Variants in EPHA7 observed in about 807,000 individuals in gnomAD.
EPHA7 encodes EPH receptor A7, also known as ephrin type-A receptor 7.
EPHA7 carries 25 observed loss-of-function variants against 112.6 expected under a neutral mutation model. The ratio of observed to expected loss-of-function variants is 0.22; its 90% CI spans 0.16 to 0.31. The LOEUF (loss-of-function observed/expected upper bound fraction) is 0.31, where lower values mean the gene tolerates loss of function less well. EPHA7 is among the 10% of genes least tolerant of loss of function. EPHA7 has a pLI of 1.00. For synonymous variants in EPHA7, 437 were observed against 406.5 expected (o/e 1.07, Z -0.90); for missense variants, 962 against 1,212.6 (o/e 0.79, Z 3.07).
chr6:93,373,170 T>C (rs1776886808), intron 3 of EPHA7, among the ~76,000 whole-genome samples: 1 of 151,930 alleles, frequency 6.6e-6, no homozygotes, highest in Non-Finnish European at 1.5e-5. Context: ...ATCTTTGGAA[T>C]TAACAGCTAG....
At chr6:93,371,672 A>C (rs541212465) in intron 3 of EPHA7, among the ~76,000 whole-genome samples, 1 of 152,250 alleles carries the variant, frequency 6.6e-6, no homozygotes, top group Non-Finnish European at 1.5e-5. Context: ...AAATGCATTG[A>C]AAGTTCTTAC....
intron 1 of EPHA7, among the ~76,000 whole-genome samples, chr6:93,415,169 G>T (rs1779164178): frequency 6.6e-6 from 1 of 151,828 alleles, no homozygotes; most frequent in South Asian, 2.1e-4. Context: ...TCTTGATCCA[G>T]TCATTAATTT....
intron 5 of EPHA7, among the ~76,000 whole-genome samples, chr6:93,283,251 G>C (rs990766957): frequency 6.6e-6 from 1 of 152,120 alleles, no homozygotes; most frequent in African/African-American, 2.4e-5. Context: ...GGGACATGGA[G>C]AACTTTTGTG....
chr6:93,289,333 T>C (rs952615402), intron 5 of EPHA7, among the ~76,000 whole-genome samples: 1 of 152,160 alleles, frequency 6.6e-6, no homozygotes, highest in Non-Finnish European at 1.5e-5. Flanking sequence ...TTTTGATAAT[T>C]TTTAATATAT....
At chr6:93,306,262 T>A (rs973205497) in intron 5 of EPHA7, among the ~76,000 whole-genome samples, 1 of 152,000 alleles carries the variant, frequency 6.6e-6, no homozygotes, top group African/African-American at 2.4e-5. Context: ...TTGAGAAGTT[T>A]ACATTTTATC....
chr6:93,321,105 C>T (rs1774048035), intron 5 of EPHA7, among the ~76,000 whole-genome samples: 1 of 151,790 alleles, frequency 6.6e-6, no homozygotes, highest in African/African-American at 2.4e-5. Flanking sequence ...TTATATATGT[C>T]TCTTTTAAAT....
chr6:93,378,472 T>C (rs1777170084), intron 3 of EPHA7, among the ~76,000 whole-genome samples: 1 of 152,078 alleles, frequency 6.6e-6, no homozygotes, highest in South Asian at 2.1e-4. Flanking sequence ...ATGCATCAAT[T>C]AGTTTAGCGG....
intron 5 of EPHA7, among the ~76,000 whole-genome samples, chr6:93,316,094 T>C (rs1433475108): frequency 1.3e-5 from 2 of 152,168 alleles, no homozygotes; most frequent in African/African-American, 4.8e-5. Flanking sequence ...GAAATAGCTG[T>C]GCTAACATAG....
At chr6:93,298,216 G>A (rs897478023) in intron 5 of EPHA7, among the ~76,000 whole-genome samples, 3 of 152,028 alleles carry the variant, frequency 2.0e-5, no homozygotes, top group Non-Finnish European at 2.9e-5. Context: ...AATAATAAAG[G>A]TATCAACGTT....
At chr6:93,321,165 G>T (rs1480564131) in intron 5 of EPHA7, among the ~76,000 whole-genome samples, 3 of 151,766 alleles carry the variant, frequency 2.0e-5, no homozygotes, top group Non-Finnish European at 4.4e-5. Context: ...AGAATTACCT[G>T]CATACTTATA....
At chr6:93,350,045 G>A (rs991295432) in intron 5 of EPHA7, among the ~76,000 whole-genome samples, 4 of 151,830 alleles carry the variant, frequency 2.6e-5, no homozygotes, top group Admixed American at 6.6e-5. Context: ...GAATACTGAC[G>A]CAAACCTTTA....
chr6:93,345,767 T>C (rs188992140), intron 5 of EPHA7, among the ~76,000 whole-genome samples: 6 of 151,674 alleles, frequency 4.0e-5, no homozygotes, highest in Admixed American at 3.3e-4. Context: ...CTTGGATCAG[T>C]TGGTTAAAAC....
intron 7 of EPHA7, among the ~76,000 whole-genome samples, chr6:93,267,111 T>C (rs1209449531): frequency 6.6e-6 from 1 of 151,818 alleles, no homozygotes; most frequent in Admixed American, 6.6e-5. Context: ...GTTCTTGTGT[T>C]TTTAAAGTTT....
chr6:93,278,040 C>T (rs1245841268), intron 5 of EPHA7, among the ~76,000 whole-genome samples: 3 of 152,050 alleles, frequency 2.0e-5, no homozygotes, highest in Admixed American at 6.6e-5. Flanking sequence ...TTTAAGGCAG[C>T]GATTGTAAAA....
chr6:93,358,298 A>G lies in EPHA7; in HGVS notation c.946T>C (p.Tyr316His), dbSNP rs1305662700. Residue 316 changes from tyrosine to histidine, a missense_variant, in exon 4 of 17, where the codon TAT becomes CAT. Tyr to His is a moderately conservative substitution (Grantham distance 83). Around this residue, in one of 3 missense-constraint regions of EPHA7, gnomAD observed 746 missense variants for 889.2 expected, o/e 0.84. Transcript: ENST00000369303. ...GSSRCECEDG[Y>H]YRAPSDPPYV... The stretch of plus-strand genomic sequence containing the variant: ...GGTGGGTCAGATGGAGCCCTGTAAT[A>G]CCCATCTTCACATTCACATCTGGAG... 3 of 1,613,616 alleles carry G rather than the reference A, an allele frequency of 1.9e-6. No homozygotes were observed. The South Asian group carries it at 3.3e-5, about 18-fold the overall frequency.
chr6:93,342,392 G>C (rs918167669), intron 5 of EPHA7, among the ~76,000 whole-genome samples: 3 of 151,738 alleles, frequency 2.0e-5, no homozygotes, highest in Non-Finnish European at 4.4e-5. Flanking sequence ...ACCTAGACTG[G>C]AACCAGTTGG....
intron 1 of EPHA7, among the ~76,000 whole-genome samples, chr6:93,415,179 T>G (rs184744804): frequency 6.6e-6 from 1 of 152,102 alleles, no homozygotes; most frequent in East Asian, 1.9e-4. Context: ...GTCATTAATT[T>G]GTAACATTCT....
In EPHA7 at chr6:93,246,973, T is replaced by C. The variant is rs762098670; in HGVS notation, c.2545A>G (p.Ile849Val). Residue 849 changes from isoleucine (I) to valine (V), a missense_variant, in exon 15 of 17, where the codon ATA (isoleucine) becomes GTA (valine). Coordinates refer to ENST00000369303, the MANE Select transcript of EPHA7 (RefSeq NM_004440.4). ...DMSNQDVIKA[I>V]EEGYRLPAPM... ...GCTGGTAAACGATAACCTTCTTCTA[T>C]TGCTTTTATAACCTAATAGCCAAAA... 1.6e-5 allele frequency: 25 copies of C among 1,589,128 alleles called. No homozygotes were observed. The East Asian group carries it at 4.7e-4, about 30-fold the overall frequency.
chr6:93,358,799 T>C (rs901892093), intron 3 of EPHA7, among the ~76,000 whole-genome samples: 2 of 152,234 alleles, frequency 1.3e-5, no homozygotes, highest in Non-Finnish European at 1.5e-5. Context: ...AGTTATGTTT[T>C]CTTAATATAA....
Sources: allele counts gnomAD v4.1 joint callset (sites outside exome capture counted in the v4.1 genomes callset), GRCh38; gene constraint gnomAD v4.1.1; regional missense constraint gnomAD v4.1.1; transcripts MANE v1.5; gene names NCBI Gene and HGNC (gene_info 2026-07-23, HGNC 2026-07-21).